ADNP2: variants seen among roughly 807,000 people sequenced by gnomAD.
ADNP2 encodes activity-dependent neuroprotector homeobox protein 2.
ADNP2 carries 8 observed loss-of-function variants against 16.4 expected under a neutral mutation model. The ratio of observed to expected loss-of-function variants is 0.49; its 90% confidence interval spans 0.29 to 0.88. The LOEUF is 0.88. Among genes scored for constraint, ADNP2 ranks in the 40% least tolerant of loss-of-function variants. The pLI is 0.09. For synonymous variants in ADNP2, 637 were observed against 545.8 expected (o/e 1.17, Z -2.33); for missense variants, 1,397 against 1,395.1 (o/e 1.00, Z -0.02).
chr18:80,131,623 G>A (rs113438620), intron 2 of ADNP2, among the ~76,000 whole-genome samples: 2 of 148,236 alleles, frequency 1.3e-5, no homozygotes, highest in South Asian at 4.3e-4. Context: ...TGTGCACAAC[G>A]TGCAGGTTTG....
intron 2 of ADNP2, among the ~76,000 whole-genome samples, chr18:80,119,899 A>G (rs1174340050): frequency 6.6e-6 from 1 of 152,192 alleles, no homozygotes; most frequent in Non-Finnish European, 1.5e-5. Context: ...CAGCAAGTGC[A>G]TTCAACCACC....
intron 2 of ADNP2, among the ~76,000 whole-genome samples, chr18:80,119,348 C>T (rs1599807352): frequency 6.7e-6 from 1 of 148,840 alleles, no homozygotes; most frequent in East Asian, 2.0e-4. Flanking sequence ...GGAGGCGGAG[C>T]TTGCAGTGAG....
chr18:80,138,876 A>G lies in ADNP2; in HGVS notation c.*67A>G. ...AGATTTTTTTCAGTTGAAATTTCACAGTGTTGTCCTCACTGTGTTGGTGAA... is the reference window on the plus strand; with the variant it reads ...AGATTTTTTTCAGTTGAAATTTCACGGTGTTGTCCTCACTGTGTTGGTGAA... On this transcript the variant is annotated 3_prime_UTR_variant, in exon 4 of 4. Transcript: ENST00000262198. 1 of 1,346,828 alleles carries G rather than the reference A, an allele frequency of 7.4e-7. No individual in the cohort carries two copies. Among genetic ancestry groups the G allele is most frequent in the Non-Finnish European group, 9.8e-7 (1 of 1,018,746 alleles). 83.4% of individuals were successfully genotyped at this position (1,346,828 alleles called of 1,614,324 possible). A position where few individuals can be genotyped will look rare whatever the true frequency, so the allele number is the denominator to read the frequency against.
intron 2 of ADNP2, among the ~76,000 whole-genome samples, chr18:80,131,814 A>G (rs1198074622): frequency 6.7e-6 from 1 of 148,968 alleles, no homozygotes; most frequent in African/African-American, 2.5e-5. Context: ...ACACTTGGAC[A>G]CAGGGCAGGG....
rs773035218 is a variant in ADNP2, at chr18:80,136,682, C to T, written c.1269C>T (p.Pro423=). The T allele has an allele frequency of 1.9e-6, 3 of 1,613,354 alleles. No homozygotes were observed. The highest frequency in any genetic ancestry group is 1.7e-6 in the Non-Finnish European group (2 of 1,179,554). ...PVGPGVLPVS[P]SVTPGVLQAV... is the part of the protein sequence containing the mutation. ...GGCCTGGTGTTCTTCCTGTGAGCCC[C>T]TCTGTCACCCCTGGGGTCCTGCAGG... Residue 423 remains proline, a synonymous_variant, in exon 4 of 4, where the codon CCC becomes CCT. Transcript: ENST00000262198.
rs762463888 is a variant in ADNP2, at chr18:80,137,312, T to G, written c.1899T>G (p.Thr633=). 4.3e-6 allele frequency: 7 copies of G among 1,613,946 alleles called. No homozygotes were observed. In the South Asian group the frequency reaches 7.7e-5, roughly 18 times the overall value. The change falls in exon 4 of 4, where the codon ACT becomes ACG. Residue 633 remains threonine, a synonymous_variant. Transcript: ENST00000262198. The surrounding 1 kb of genome is among the most constrained non-coding windows in gnomAD (Gnocchi z 4.2). ...TLPVPPGGLA[T]VAPPQMPIQL... is the part of the protein sequence containing the mutation. ...CGGTTCCCCCTGGAGGCCTTGCGAC[T>G]GTCGCTCCGCCCCAGATGCCCATCC... is the stretch of plus-strand genomic sequence containing the variant.
chr18:80,111,246 T>G (rs1454423133), intron 1 of ADNP2, among the ~76,000 whole-genome samples: 1 of 152,196 alleles, frequency 6.6e-6, no homozygotes, highest in Non-Finnish European at 1.5e-5. Context: ...GTTGGGACAT[T>G]TCATTTAGTT....
chr18:80,117,650 G>C lies in ADNP2; in HGVS notation c.108G>C (p.Lys36Asn). ...IGLDSCKELL[K>N]DLKGFDPGEK... ...TTGACAGCTGCAAGGAGTTACTGAAGGTAAGAGGACGTAAGTAGCCAACTG... is the reference window on the plus strand; with the variant it reads ...TTGACAGCTGCAAGGAGTTACTGAACGTAAGAGGACGTAAGTAGCCAACTG... The change falls in exon 2 of 4, where the codon AAG (lysine) becomes AAC (asparagine). Residue 36 changes from lysine to asparagine, a missense_variant and splice_region_variant. Coordinates refer to ENST00000262198, the MANE Select transcript of ADNP2 (RefSeq NM_014913.4). 1 of 1,598,608 alleles carries C rather than the reference G, an allele frequency of 6.3e-7. No homozygotes were observed. Among genetic ancestry groups the C allele is most frequent in the Non-Finnish European group, 8.5e-7 (1 of 1,174,596 alleles).
chr18:80,111,898 A>T (rs2052360153), intron 1 of ADNP2, among the ~76,000 whole-genome samples: 1 of 151,938 alleles, frequency 6.6e-6, no homozygotes, highest in African/African-American at 2.4e-5. Context: ...TCCTTACGAG[A>T]TCATTATACT....
At chr18:80,111,062 A>G (rs905184644) in intron 1 of ADNP2, among the ~76,000 whole-genome samples, 3 of 152,082 alleles carry the variant, frequency 2.0e-5, no homozygotes, top group African/African-American at 4.8e-5. Context: ...GCATATTGCA[A>G]ACTTGGTTTC....
chr18:80,122,537 C>A (rs1290088861), intron 2 of ADNP2, among the ~76,000 whole-genome samples: 1 of 152,114 alleles, frequency 6.6e-6, no homozygotes, highest in Non-Finnish European at 1.5e-5. Flanking sequence ...TTGTGTAAGG[C>A]TTTCACTTCT....
intron 1 of ADNP2, chr18:80,109,986 T>G (rs2052347287): frequency 6.6e-6 from 1 of 152,602 alleles, no homozygotes; most frequent in Non-Finnish European, 1.5e-5. Flanking sequence ...CCTGGAAGCT[T>G]CTCTCTGGAG....
Position 80,135,704 on chromosome 18 carries a change from A to T in ADNP2, c.291A>T (p.Glu97Asp), listed in dbSNP as rs2052527503. The T allele has an allele frequency of 6.2e-7, 1 of 1,614,236 alleles. No homozygotes were observed. Among genetic ancestry groups the T allele is most frequent in the Non-Finnish European group, 8.5e-7 (1 of 1,180,034 alleles). ...AGAATCATTTACATCGTTACCATGA[A>T]GATGAAATTGACCAAGAGCTGGTGA... is the stretch of plus-strand genomic sequence containing the variant. ...SFKNHLHRYH[E>D]DEIDQELVIP... Residue 97 changes from glutamate to aspartate, a missense_variant, in exon 4 of 4, where the codon GAA (glutamate) becomes GAT (aspartate). Around this residue, in one of 3 missense-constraint regions of ADNP2, gnomAD observed 777 missense variants for 719.4 expected, o/e 1.08. Coordinates refer to ENST00000262198, the MANE Select transcript of ADNP2 (RefSeq NM_014913.4).
At chr18:80,130,652 G>T (rs762426061) in intron 2 of ADNP2, among the ~76,000 whole-genome samples, 4 of 151,978 alleles carry the variant, frequency 2.6e-5, no homozygotes, top group Non-Finnish European at 5.9e-5. Context: ...ACCCTCTGCC[G>T]CCCTGCACTT....
In ADNP2 at chr18:80,137,951, G is replaced by C. The variant is rs768345573; in HGVS notation, c.2538G>C (p.Gly846=). The change falls in exon 4 of 4, where the codon GGG becomes GGC. Residue 846 remains glycine, a synonymous_variant. Coordinates refer to ENST00000262198, the MANE Select transcript of ADNP2 (RefSeq NM_014913.4). This position sits in a 1 kb window ranked among gnomAD's most constrained non-coding sequence, Gnocchi z 4.2. Reference sequence around the variant, plus strand: ...AAGTCTACTTGGCAATCCTGGCTGGGATACACTCCAAGTCACTGGTGCCTG... The same window carrying C: ...AAGTCTACTTGGCAATCCTGGCTGGCATACACTCCAAGTCACTGGTGCCTG... ...EREVYLAILA[G]IHSKSLVPVY... is the part of the protein sequence containing the mutation. The C allele has an allele frequency of 2.5e-6, 4 of 1,613,292 alleles. No individual in the cohort carries two copies. The highest frequency in any genetic ancestry group is 2.5e-6 in the Non-Finnish European group (3 of 1,180,036).
At position 80,138,831 on chromosome 18, in the gene ADNP2, G is replaced by C; in HGVS notation, c.*22G>C. The C allele has an allele frequency of 1.2e-6, 1 of 811,152 alleles. No individual in the cohort carries two copies. The highest frequency in any genetic ancestry group is 1.8e-6 in the Non-Finnish European group (1 of 544,010). 50.2% of individuals were successfully genotyped at this position (811,152 alleles called of 1,614,324 possible). A position where few individuals can be genotyped will look rare whatever the true frequency, so the allele number is the denominator to read the frequency against. Reference sequence around the variant, plus strand: ...ATAAAACTTGCAAAAAAAAAAAAAAGTAACTCTAAAGTAGTAGGTAGATTT... The same window carrying C: ...ATAAAACTTGCAAAAAAAAAAAAAACTAACTCTAAAGTAGTAGGTAGATTT... On this transcript the variant is annotated 3_prime_UTR_variant, in exon 4 of 4. Transcript: ENST00000262198.
At chr18:80,127,635 TG>T (rs1038644903) in intron 2 of ADNP2, among the ~76,000 whole-genome samples, 1 of 152,196 alleles carries the variant, frequency 6.6e-6, no homozygotes, top group African/African-American at 2.4e-5. Context: ...TGGCAGTTTT[TG>T]ACTACACACT....
Position 80,135,817 on chromosome 18 carries a change from A to C in ADNP2, c.404A>C (p.Gln135Pro). The change falls in exon 4 of 4, where the codon CAG (glutamine) becomes CCG (proline). Residue 135 changes from glutamine (Q) to proline (P), a missense_variant. Physicochemically the swap from Gln to Pro is moderately conservative, Grantham distance 76. Around this residue, in one of 3 missense-constraint regions of ADNP2, gnomAD observed 777 missense variants for 719.4 expected, o/e 1.08. Coordinates refer to ENST00000262198, the MANE Select transcript of ADNP2 (RefSeq NM_014913.4). ...RMFHAPVRKV[Q>P]NYTVNILGET... ...TTCCATGCACCTGTCCGGAAAGTCC[A>C]GAACTACACAGTGAATATTTTAGGT... 6.2e-7 allele frequency: 1 copy of C among 1,614,234 alleles called. No homozygotes were observed.
intron 1 of ADNP2, chr18:80,109,919 G>T: frequency 1.3e-5 from 2 of 151,872 alleles, no homozygotes; most frequent in South Asian, 3.8e-4. Flanking sequence ...CCCCTGTAAG[G>T]ACTCCAGAAA....
Sources: allele counts gnomAD v4.1 joint callset (sites outside exome capture counted in the v4.1 genomes callset), GRCh38; gene constraint gnomAD v4.1.1; regional missense constraint gnomAD v4.1.1; non-coding constraint Gnocchi (gnomAD v3.1); transcripts MANE v1.5; gene names NCBI Gene and HGNC (gene_info 2026-07-23, HGNC 2026-07-21).